The following MOXD1 variants were observed in gnomAD, a reference collection of about 807,000 sequenced individuals.
The protein encoded by MOXD1 is monooxygenase DBH like 1.
A neutral mutation model predicts 66.6 loss-of-function variants in MOXD1; 62 were observed. The ratio of observed to expected loss-of-function variants is 0.93; its 90% confidence interval spans 0.76 to 1.15. MOXD1 has a LOEUF of 1.15. Among genes scored for constraint, MOXD1 ranks in the 50% most tolerant of loss-of-function variants. The pLI is 0.00. For missense variants in MOXD1, 847 were observed against 754.6 expected (o/e 1.12, Z -1.44); for synonymous variants, 303 against 281.9 (o/e 1.07, Z -0.75).
At chr6:132,321,857 G>A (rs1301055379) in intron 8 of MOXD1, among the ~76,000 whole-genome samples, 3 of 152,122 alleles carry the variant, frequency 2.0e-5, no homozygotes, top group Non-Finnish European at 4.4e-5. Context: ...GGATTTAAGG[G>A]ATAGCTATTA....
At chr6:132,353,566 T>C (rs1279519809) in intron 4 of MOXD1, among the ~76,000 whole-genome samples, 1 of 152,196 alleles carries the variant, frequency 6.6e-6, no homozygotes, top group African/African-American at 2.4e-5. Context: ...ATAAGTTAAC[T>C]GGTGCTTTTG....
intron 4 of MOXD1, among the ~76,000 whole-genome samples, chr6:132,366,687 C>T (rs552777295): frequency 6.6e-6 from 1 of 152,028 alleles, no homozygotes; most frequent in Non-Finnish European, 1.5e-5. Flanking sequence ...AAAATAGAAA[C>T]CCTCTATCGC....
At chr6:132,317,532 C>G (rs1161573709) in intron 9 of MOXD1, among the ~76,000 whole-genome samples, 1 of 152,070 alleles carries the variant, frequency 6.6e-6, no homozygotes, top group African/African-American at 2.4e-5. Flanking sequence ...AAGTTATTTT[C>G]TAATACCAAG....
intron 10 of MOXD1, among the ~76,000 whole-genome samples, chr6:132,303,837 A>ATATATATATATATATATATG (rs1774620694): frequency 3.3e-5 from 1 of 30,118 alleles, no homozygotes; most frequent in Non-Finnish European, 6.3e-5. Context: ...GTGTGTGTGT[A>ATATATATATATATATATATG]TATATATATA....
intron 1 of MOXD1, among the ~76,000 whole-genome samples, chr6:132,395,541 C>T (rs558412206): frequency 7.9e-5 from 12 of 152,058 alleles, no homozygotes; most frequent in African/African-American, 1.7e-4. Flanking sequence ...AATAATAACC[C>T]GGAATGTAAA....
chr6:132,326,534 A>C (rs892066673), intron 6 of MOXD1, among the ~76,000 whole-genome samples: 3 of 152,086 alleles, frequency 2.0e-5, no homozygotes, highest in Non-Finnish European at 4.4e-5. Flanking sequence ...AAATGTAAAA[A>C]ATTTTTAAAA....
intron 4 of MOXD1, among the ~76,000 whole-genome samples, chr6:132,337,865 T>G (rs1362314657): frequency 6.6e-6 from 1 of 152,178 alleles, no homozygotes; most frequent in Non-Finnish European, 1.5e-5. Flanking sequence ...TTTATGAAAA[T>G]TTGAAATTAA....
In MOXD1 at chr6:132,372,888, G is replaced by A. The variant is rs779791279; in HGVS notation, c.521C>T (p.Pro174Leu). The A allele has an allele frequency of 1.9e-6, 3 of 1,613,994 alleles. No individual in the cohort carries two copies. Among genetic ancestry groups the A allele is most frequent in the South Asian group, 2.2e-5 (2 of 91,064 alleles). The change falls in exon 3 of 12, where the codon CCT (proline) becomes CTT (leucine). Residue 174 changes from proline to leucine, a missense_variant. Coordinates refer to ENST00000367963, the MANE Select transcript of MOXD1 (RefSeq NM_015529.4). ...RGTKSLRLLN[P>L]EKTSVLSTAL... is the part of the protein sequence containing the mutation. ...TGTAGATAGCACACTAGTTTTCTCAGGATTCAATAACCGCAAACTCTTGGT... is the reference window on the plus strand; with the variant it reads ...TGTAGATAGCACACTAGTTTTCTCAAGATTCAATAACCGCAAACTCTTGGT...
rs149890918 is a variant in MOXD1 at position 132,399,703 on chromosome 6, T to C, written c.264+1460A>G. On this transcript the variant is annotated intron_variant, in intron 1 of 11. Transcript: ENST00000367963. ...TATAATATTAGCATAGTAAGAGTTATGCTCCCTTTTGTAGAACATGCAAGG... is the reference window on the plus strand; with the variant it reads ...TATAATATTAGCATAGTAAGAGTTACGCTCCCTTTTGTAGAACATGCAAGG... 3.1e-4 allele frequency among the ~76,000 whole-genome samples: 47 copies of C among 152,352 alleles called. 1 individual carries two copies. The highest frequency in any genetic ancestry group is 1.1e-3 in the African/African-American group (44 of 41,584).
At chr6:132,342,072 G>A (rs1018601058) in intron 4 of MOXD1, among the ~76,000 whole-genome samples, 20 of 151,514 alleles carry the variant, frequency 1.3e-4, no homozygotes, top group African/African-American at 4.4e-4. Flanking sequence ...GTGTGATCTC[G>A]GCTCACTGCA....
At position 132,363,210 on chromosome 6, in the gene MOXD1, C is replaced by T. The variant is rs1290121181; in HGVS notation, c.663+9398G>A. Among the ~76,000 whole-genome samples the T allele has an allele frequency of 1.7e-4, 7 of 41,156 alleles. No homozygotes were observed. In the East Asian group the frequency reaches 3.7e-3, roughly 21 times the overall value. The allele number at this position is 41,156 out of a possible 152,430, so 27.0% of individuals were successfully genotyped here. On this transcript the variant is annotated intron_variant, in intron 4 of 11. Transcript: ENST00000367963. Reference sequence around the variant, plus strand: ...TAGATCTCATGTCAAATGTTCTTACCACAATAAAAAACAAAAAAAAAAAAC... The same window carrying T: ...TAGATCTCATGTCAAATGTTCTTACTACAATAAAAAACAAAAAAAAAAAAC...
At chr6:132,366,793 T>C (rs1463053714) in intron 4 of MOXD1, among the ~76,000 whole-genome samples, 1 of 152,150 alleles carries the variant, frequency 6.6e-6, no homozygotes, top group Admixed American at 6.6e-5. Flanking sequence ...AATGTCCATT[T>C]GACATGTTGT....
intron 4 of MOXD1, among the ~76,000 whole-genome samples, chr6:132,371,443 T>C (rs764495798): frequency 3.9e-5 from 6 of 152,158 alleles, no homozygotes; most frequent in Admixed American, 6.6e-5. Flanking sequence ...TGCCTCTGTA[T>C]GTAGTTATGA....
At chr6:132,315,905 T>TA (rs1160405797) in intron 9 of MOXD1, 128 bp from the exon 10 acceptor site, 4 of 963,518 alleles carry the variant, frequency 4.2e-6, no homozygotes, top group Admixed American at 3.0e-5. Flanking sequence ...GCTGAAAAGT[T>TA]AAAAAACTGG....
intron 1 of MOXD1, among the ~76,000 whole-genome samples, chr6:132,387,111 C>T (rs1776666851): frequency 6.6e-6 from 1 of 151,336 alleles, no homozygotes; most frequent in Non-Finnish European, 1.5e-5. Flanking sequence ...CCATTAAAAG[C>T]TATTTCCAGA....
intron 1 of MOXD1, 123 bp downstream of exon 1, chr6:132,401,040 G>A (rs893295943): frequency 6.5e-6 from 8 of 1,228,836 alleles, no homozygotes; most frequent in Non-Finnish European, 8.5e-6. Flanking sequence ...GTGGCCGGGG[G>A]CGCGGGGCTG....
At position 132,307,569 on chromosome 6, in the gene MOXD1, C is replaced by A. The variant is rs147181388; in HGVS notation, c.1508+8066G>T. ...ACCTGAAATCAACAAAACATACATT[C>A]TTCTCAGTGCCACATGGCACTTATT... On this transcript the variant is annotated intron_variant, in intron 10 of 11. Transcript: ENST00000367963. Among the ~76,000 whole-genome samples, 41 of 152,320 alleles carry A rather than the reference C, an allele frequency of 2.7e-4. 2 individuals carry two copies. In the East Asian group the frequency reaches 7.7e-3, roughly 29 times the overall value.
intron 10 of MOXD1, among the ~76,000 whole-genome samples, chr6:132,302,561 A>T (rs78558042): frequency 0.028 from 4,188 of 152,266 alleles, 173 homozygotes; most frequent in African/African-American, 0.095. Context: ...ATGAAAGAAC[A>T]GTAAATAAGT....
intron 2 of MOXD1, among the ~76,000 whole-genome samples, chr6:132,374,247 CAGATG>C (rs1305750095): frequency 1.3e-5 from 2 of 152,140 alleles, no homozygotes; most frequent in African/African-American, 4.8e-5. Context: ...CATTACAAAT[CAGATG>C]AATTATATCC....
Sources: allele counts gnomAD v4.1 joint callset (sites outside exome capture counted in the v4.1 genomes callset), GRCh38; gene constraint gnomAD v4.1.1; transcripts MANE v1.5; gene names NCBI Gene and HGNC (gene_info 2026-07-23, HGNC 2026-07-21).